The following ESRRB variants were observed in gnomAD, a reference collection of about 807,000 sequenced individuals.
ESRRB encodes steroid hormone receptor ERR2.
Under a neutral mutation model 46.0 loss-of-function variants are expected in ESRRB, and 16 were observed. The observed-to-expected ratio is 0.35, with a 90% CI of 0.24 to 0.53. The LOEUF (loss-of-function observed/expected upper bound fraction) is 0.53, where lower values mean the gene tolerates loss of function less well. ESRRB is among the 20% of genes least tolerant of loss of function. ESRRB has a pLI of 0.93. For missense variants in ESRRB, 488 were observed against 607.4 expected, an observed-to-expected ratio of 0.80 and a Z score of 2.07; for synonymous variants, 246 against 259.6, an observed-to-expected ratio of 0.95 and a Z score of 0.50.
intron 2 of ESRRB, among the ~76,000 whole-genome samples, chr14:76,448,323 C>T (rs894060019): frequency 3.5e-5 from 5 of 144,828 alleles, no homozygotes; most frequent in Non-Finnish European, 7.6e-5. Flanking sequence ...GTTACATTTA[C>T]TTACCTTTTT....
intron 1 of ESRRB, among the ~76,000 whole-genome samples, chr14:76,311,979 A>AC (rs1253682722): frequency 1.5e-5 from 2 of 136,294 alleles, no homozygotes; most frequent in Non-Finnish European, 3.2e-5. Context: ...ATTTTGAAAA[A>AC]AAAAAAAAAA....
At chr14:76,384,643 C>T (rs1215851763) in intron 1 of ESRRB, among the ~76,000 whole-genome samples, 1 of 152,188 alleles carries the variant, frequency 6.6e-6, no homozygotes, top group Non-Finnish European at 1.5e-5. Flanking sequence ...CCCACTACTG[C>T]CGGCTTCTAT....
intron 3 of ESRRB, among the ~76,000 whole-genome samples, chr14:76,477,949 A>G (rs1229556922): frequency 3.3e-5 from 5 of 152,170 alleles, no homozygotes; most frequent in Admixed American, 2.0e-4. Flanking sequence ...TCTTATTTGT[A>G]AAATGAGGAT....
In ESRRB at chr14:76,386,284, G is replaced by A. The variant is rs192797886; in HGVS notation, c.50+9833G>A. On this transcript the variant is annotated intron_variant, in intron 1 of 6. Transcript: ENST00000644823. ...AGTTAAATGTGAATTTTACATAAAT[G>A]TGAGTATCTTTTTTTGTATAAGTAA... Among the ~76,000 whole-genome samples the A allele has an allele frequency of 5.8e-3, 887 of 152,212 alleles. 10 individuals are homozygous for A. Among genetic ancestry groups the A allele is most frequent in the African/African-American group, 0.02 (849 of 41,516 alleles).
intron 1 of ESRRB, among the ~76,000 whole-genome samples, chr14:76,398,121 G>A (rs1393416343): frequency 6.6e-6 from 1 of 152,224 alleles, no homozygotes; most frequent in African/African-American, 2.4e-5. Flanking sequence ...CAATAGCCCT[G>A]CTAGCTGGCA....
chr14:76,489,280 G>A (rs1447309527), intron 5 of ESRRB, among the ~76,000 whole-genome samples: 5 of 151,950 alleles, frequency 3.3e-5, no homozygotes, highest in African/African-American at 1.2e-4. Context: ...CTCCGGTGCT[G>A]GCTGATTGGT....
rs1187500894 is a variant in ESRRB at position 76,499,208 on chromosome 14, G to A, written c.*750G>A. The A allele has an allele frequency of 1.1e-5, 3 of 265,706 alleles. No individual in the cohort carries two copies. Among genetic ancestry groups the A allele is most frequent in the Non-Finnish European group, 2.2e-5 (3 of 135,858 alleles). The allele number at this position is 265,706 out of a possible 1,614,324, so 16.5% of individuals were successfully genotyped here. ...ACCTCAGAGCTCACTCACCCAGTGG[G>A]TTCAGCCAGCCACAGCGACTCCAGG... is the stretch of plus-strand genomic sequence containing the variant. On this transcript the variant is annotated 3_prime_UTR_variant, in exon 7 of 7. Coordinates refer to ENST00000644823, the MANE Select transcript of ESRRB (RefSeq NM_001379180.1).
intron 1 of ESRRB, among the ~76,000 whole-genome samples, chr14:76,316,825 CTT>C (rs1427121526): frequency 6.6e-6 from 1 of 152,184 alleles, no homozygotes; most frequent in Non-Finnish European, 1.5e-5. Flanking sequence ...AGTGAAGAAG[CTT>C]TGTCTAAGTC....
At chr14:76,388,737 C>T (rs948632747) in intron 1 of ESRRB, among the ~76,000 whole-genome samples, 1 of 152,228 alleles carries the variant, frequency 6.6e-6, no homozygotes, top group East Asian at 1.9e-4. Context: ...TCCAAGGGCC[C>T]ATGCCCAGCC....
At chr14:76,425,528 C>T (rs1270248216) in intron 1 of ESRRB, among the ~76,000 whole-genome samples, 1 of 151,884 alleles carries the variant, frequency 6.6e-6, no homozygotes, top group East Asian at 1.9e-4. Context: ...CTCCTTCCTC[C>T]CCCTCCTCCT....
chr14:76,439,413 G>C lies in ESRRB; in HGVS notation c.123G>C (p.Pro41=). ...GCGGCTCCTTCATCAAGACTGAGCC[G>C]TCCAGCCCGTCCTCGGGCATCGATG... ...SSCGSFIKTE[P]SSPSSGIDAL... Residue 41 remains proline, a synonymous_variant, in exon 2 of 7, where the codon CCG becomes CCC. Transcript: ENST00000644823. 1 of 1,613,496 alleles carries C rather than the reference G, an allele frequency of 6.2e-7. No individual in the cohort carries two copies. The highest frequency in any genetic ancestry group is 8.5e-7 in the Non-Finnish European group (1 of 1,179,922).
At chr14:76,447,225 T>C (rs8003266) in intron 2 of ESRRB, among the ~76,000 whole-genome samples, 29,730 of 151,136 alleles carry the variant, frequency 0.2, 4,108 homozygotes, top group African/African-American at 0.39. Flanking sequence ...TTGTCTTCCC[T>C]TGCTCATTTT....
intron 3 of ESRRB, among the ~76,000 whole-genome samples, chr14:76,474,288 C>G (rs1889486781): frequency 6.6e-6 from 1 of 152,218 alleles, no homozygotes; most frequent in Non-Finnish European, 1.5e-5. Context: ...GAAGTTACTA[C>G]TGAGTGCCTA....
chr14:76,378,223 T>G (rs1031583701), intron 1 of ESRRB, among the ~76,000 whole-genome samples: 2 of 152,248 alleles, frequency 1.3e-5, no homozygotes, highest in Non-Finnish European at 2.9e-5. Flanking sequence ...TCATAGTCAA[T>G]AAATATGAAA....
intron 1 of ESRRB, among the ~76,000 whole-genome samples, chr14:76,423,265 T>C (rs890369657): frequency 4.7e-5 from 7 of 147,952 alleles, no homozygotes; most frequent in Non-Finnish European, 1.0e-4. Flanking sequence ...CACCTCAGCC[T>C]CCTGAGTAGC....
At chr14:76,468,410 A>AC (rs112956200) in intron 3 of ESRRB, among the ~76,000 whole-genome samples, 15,856 of 66,952 alleles carry the variant, frequency 0.24, 1,333 homozygotes, top group African/African-American at 0.34. Flanking sequence ...CAACACCACC[A>AC]CCCCCCAAAC....
chr14:76,378,252 C>A (rs1426359808), intron 1 of ESRRB, among the ~76,000 whole-genome samples: 1 of 152,150 alleles, frequency 6.6e-6, no homozygotes, highest in East Asian at 1.9e-4. Flanking sequence ...GAAGGAAGTA[C>A]ATTCTTTGAT....
intron 1 of ESRRB, among the ~76,000 whole-genome samples, chr14:76,341,333 A>G (rs1884189663): frequency 6.6e-6 from 1 of 152,166 alleles, no homozygotes; most frequent in Non-Finnish European, 1.5e-5. Flanking sequence ...CCCAGCCACC[A>G]CATTGTGACC....
intron 1 of ESRRB, among the ~76,000 whole-genome samples, chr14:76,400,387 G>A (rs927586179): frequency 4.6e-5 from 7 of 152,188 alleles, no homozygotes; most frequent in African/African-American, 9.7e-5. Context: ...TCTGAAGACC[G>A]TTGCAGATTT....
Sources: gnomAD v4.1 joint callset for allele counts (sites outside exome capture counted in the v4.1 genomes callset) on GRCh38, gnomAD v4.1.1 for gene constraint, MANE v1.5 for transcripts, NCBI Gene and HGNC (gene_info 2026-07-23, HGNC 2026-07-21) for gene names.